Variants in KIAA2012 observed in about 807,000 individuals in gnomAD.
KIAA2012 encodes uncharacterized protein KIAA2012.
KIAA2012 carries 125 observed loss-of-function variants against 150.6 expected under a neutral mutation model. The ratio of observed to expected loss-of-function variants is 0.83; its 90% CI spans 0.72 to 0.96. The LOEUF (loss-of-function observed/expected upper bound fraction) is 0.96, where lower values mean the gene tolerates loss of function less well. Among genes scored for constraint, KIAA2012 ranks in the 40% least tolerant of loss-of-function variants. KIAA2012 has a pLI of 0.00. For synonymous variants in KIAA2012, 462 were observed against 504.7 expected, an observed-to-expected ratio of 0.92 and a Z score of 1.13; for missense variants, 1,219 against 1,354.9, an observed-to-expected ratio of 0.90 and a Z score of 1.57.
At chr2:202,139,994 C>G (rs1294442338) in intron 13 of KIAA2012, among the ~76,000 whole-genome samples, 1 of 152,124 alleles carries the variant, frequency 6.6e-6, no homozygotes, top group Admixed American at 6.5e-5. Flanking sequence ...CTTTGGGAGG[C>G]CAAGGTGGGC....
intron 15 of KIAA2012, among the ~76,000 whole-genome samples, chr2:202,171,217 AC>A (rs1226730542): frequency 1.3e-5 from 2 of 152,074 alleles, no homozygotes; most frequent in African/African-American, 4.8e-5. Context: ...ACACACACAC[AC>A]ACACACCCCA....
At chr2:202,153,913 G>T (rs759994999) in intron 13 of KIAA2012, among the ~76,000 whole-genome samples, 7 of 152,290 alleles carry the variant, frequency 4.6e-5, no homozygotes, top group South Asian at 2.1e-4. Context: ...GAGGACAATG[G>T]CCTTTGAAGG....
intron 2 of KIAA2012, among the ~76,000 whole-genome samples, chr2:202,090,018 T>C (rs879779211): frequency 2.6e-5 from 4 of 152,248 alleles, no homozygotes; most frequent in Non-Finnish European, 5.9e-5. Context: ...ATGTCTGCCA[T>C]GGACACTGGG....
intron 2 of KIAA2012, among the ~76,000 whole-genome samples, chr2:202,083,517 A>G: frequency 6.6e-6 from 1 of 152,254 alleles, no homozygotes; most frequent in East Asian, 1.9e-4. Context: ...GACTCCGGCA[A>G]GACAGACTGA....
chr2:202,114,805 A>T (rs912032662), intron 11 of KIAA2012: 3 of 162,890 alleles, frequency 1.8e-5, no homozygotes, highest in African/African-American at 7.2e-5. Context: ...ATAAATGAAG[A>T]CATGCCTGCC....
Position 202,197,049 on chromosome 2 carries a change from AG to A in KIAA2012, c.3407+35del, listed in dbSNP as rs1397222974. On this transcript the variant is annotated intron_variant, in intron 22 of 23. Transcript: ENST00000498697. ...TGGATATTTGGGCAACAGTTGCCAT[AG>A]GGGGATGGTTCAAGGGCTTCACTGT... 15 of 1,550,066 alleles carry A rather than the reference AG, an allele frequency of 9.7e-6. No individual in the cohort carries two copies. In the African/African-American group the frequency reaches 2.1e-4, roughly 21 times the overall value.
At chr2:202,075,214 G>T (rs1689301261) in intron 2 of KIAA2012, 39 bp downstream of exon 2, 1 of 1,492,380 alleles carries the variant, frequency 6.7e-7, no homozygotes, top group African/African-American at 1.4e-5. Flanking sequence ...GAAGGTGCTG[G>T]TAGCATGTCT....
chr2:202,142,104 T>C (rs1053617526), intron 13 of KIAA2012, among the ~76,000 whole-genome samples: 33 of 151,968 alleles, frequency 2.2e-4, no homozygotes, highest in Admixed American at 3.3e-4. Context: ...ATGAAAAAAA[T>C]CATTCATCTT....
chr2:202,179,300 G>A (rs1574308755), intron 15 of KIAA2012: 7 of 1,192,806 alleles, frequency 5.9e-6, no homozygotes, highest in Non-Finnish European at 8.6e-6. Flanking sequence ...TAAAGATGGC[G>A]GAGCGCGGTA....
chr2:202,137,802 A>G (rs1459465287), intron 12 of KIAA2012: 1 of 152,582 alleles, frequency 6.6e-6, no homozygotes, highest in Non-Finnish European at 1.5e-5. Context: ...AACATTGACA[A>G]TGACAACATG....
At chr2:202,077,100 G>A in intron 2 of KIAA2012, 1 of 444,556 alleles carries the variant, frequency 2.2e-6, no homozygotes, top group South Asian at 1.6e-5. Flanking sequence ...GCTCCTCCAG[G>A]TGACCCCACC....
chr2:202,095,679 G>A (rs1689851128), intron 4 of KIAA2012, among the ~76,000 whole-genome samples: 1 of 152,024 alleles, frequency 6.6e-6, no homozygotes, highest in Non-Finnish European at 1.5e-5. Flanking sequence ...GTTTCCCCTC[G>A]CATTGATTGA....
At chr2:202,111,509 CAAAAAAAAAAAAAA>C (rs71025277) in intron 10 of KIAA2012, among the ~76,000 whole-genome samples, 11 of 57,626 alleles carry the variant, frequency 1.9e-4, no homozygotes, top group Non-Finnish European at 2.3e-4. Context: ...GACTCTGTCT[CAAAAAAAAAAAAAA>C]AAAAAAAAAA....
chr2:202,133,982 ATT>A (rs535289269), intron 12 of KIAA2012, among the ~76,000 whole-genome samples: 6 of 148,516 alleles, frequency 4.0e-5, no homozygotes, highest in African/African-American at 1.5e-4. Context: ...ACTGGGGAGA[ATT>A]TTTTTTTTTT....
intron 2 of KIAA2012, among the ~76,000 whole-genome samples, chr2:202,085,667 T>A (rs1252860476): frequency 6.6e-6 from 1 of 152,214 alleles, no homozygotes; most frequent in Non-Finnish European, 1.5e-5. Context: ...ATAATACATT[T>A]ATGTTGTTTA....
rs1386385210 is a variant in KIAA2012, at chr2:202,132,718, A to ATATATATATAGTATATATG, written c.1832-5684_1832-5666dup. On this transcript the variant is annotated intron_variant, in intron 12 of 23. Coordinates refer to ENST00000498697, the MANE Select transcript of KIAA2012 (RefSeq NM_001277372.4). The stretch of plus-strand genomic sequence containing the variant: ...TATGTATATATATATGTATATATGT[A>ATATATATATAGTATATATG]TATATATATAGTATATATGTATATA... 2.9e-4 allele frequency among the ~76,000 whole-genome samples: 27 copies of ATATATATATAGTATATATG among 93,426 alleles called. 1 individual carries two copies. Among genetic ancestry groups the ATATATATATAGTATATATG allele is most frequent in the East Asian group, 8.9e-4 (4 of 4,502 alleles). 61.3% of individuals were successfully genotyped at this position (93,426 alleles called of 152,430 possible). A position where few individuals can be genotyped will look rare whatever the true frequency, so the allele number is the denominator to read the frequency against.
At chr2:202,143,426 T>C (rs1329912255) in intron 13 of KIAA2012, among the ~76,000 whole-genome samples, 1 of 146,766 alleles carries the variant, frequency 6.8e-6, no homozygotes, top group Non-Finnish European at 1.5e-5. Flanking sequence ...ATAAGTCAAC[T>C]ATGACTGCAA....
intron 2 of KIAA2012, among the ~76,000 whole-genome samples, chr2:202,088,140 T>C (rs566355852): frequency 1.4e-4 from 21 of 152,276 alleles, no homozygotes; most frequent in African/African-American, 5.1e-4. Flanking sequence ...TTTTATAATA[T>C]ATAAGGGACT....
chr2:202,170,237 G>C (rs1473641855), intron 15 of KIAA2012, among the ~76,000 whole-genome samples: 1 of 152,172 alleles, frequency 6.6e-6, no homozygotes, highest in Admixed American at 6.5e-5. Context: ...GCTTTGCCAC[G>C]GTTCTCTGGC....
Sources: allele counts gnomAD v4.1 joint callset (sites outside exome capture counted in the v4.1 genomes callset), GRCh38; gene constraint gnomAD v4.1.1; transcripts MANE v1.5; gene names NCBI Gene and HGNC (gene_info 2026-07-23, HGNC 2026-07-21).